HNRNPC: variants seen among roughly 807,000 people sequenced by gnomAD.
The protein encoded by HNRNPC is heterogeneous nuclear ribonucleoproteins C1/C2.
Under a neutral mutation model 33.2 loss-of-function variants are expected in HNRNPC, and 3 were observed. The observed-to-expected ratio is 0.09, with a 90% CI of 0.04 to 0.23. HNRNPC has a LOEUF of 0.23. HNRNPC is among the 10% of genes least tolerant of loss of function. The pLI, the probability that HNRNPC is intolerant of heterozygous loss-of-function variation, is 1.00. For missense variants in HNRNPC, 143 were observed against 366.7 expected (o/e 0.39, Z 4.98); for synonymous variants, 121 against 126.7 (o/e 0.96, Z 0.30).
chr14:21,222,900 A>T (rs531341834), intron 5 of HNRNPC, among the ~76,000 whole-genome samples: 21 of 151,656 alleles, frequency 1.4e-4, no homozygotes, highest in Non-Finnish European at 2.2e-4. Context: ...TCTCAAAAAA[A>T]AACCAAAACA....
At chr14:21,217,435 C>A (rs144823851) in intron 5 of HNRNPC, among the ~76,000 whole-genome samples, 4 of 152,296 alleles carry the variant, frequency 2.6e-5, no homozygotes, top group Admixed American at 2.0e-4. Flanking sequence ...TTGCTCACCA[C>A]TGGAGCTATA....
intron 1 of HNRNPC, among the ~76,000 whole-genome samples, chr14:21,265,983 C>T (rs940313137): frequency 6.6e-6 from 1 of 152,156 alleles, no homozygotes; most frequent in Admixed American, 6.6e-5. Flanking sequence ...AATTAGAAAC[C>T]CTTGTGGTAG....
chr14:21,235,158 C>T (rs1278404130), intron 2 of HNRNPC, among the ~76,000 whole-genome samples: 1 of 152,136 alleles, frequency 6.6e-6, no homozygotes, highest in Non-Finnish European at 1.5e-5. Context: ...TCCCGTAAAG[C>T]GAAAATGTTT....
intron 4 of HNRNPC, 86 bp downstream of exon 4, chr14:21,230,911 T>G: frequency 1.4e-6 from 2 of 1,446,676 alleles, no homozygotes; most frequent in South Asian, 1.2e-5. Context: ...AAAGAGAAGA[T>G]GCCCACTGAT....
At chr14:21,250,305 T>C (rs772094434) in intron 2 of HNRNPC, among the ~76,000 whole-genome samples, 3 of 151,954 alleles carry the variant, frequency 2.0e-5, no homozygotes, top group Non-Finnish European at 4.4e-5. Flanking sequence ...TTGTCTTCAG[T>C]CAGCAATTTC....
chr14:21,226,166 C>CA (rs373660823), intron 5 of HNRNPC, among the ~76,000 whole-genome samples: 5 of 151,284 alleles, frequency 3.3e-5, no homozygotes, highest in African/African-American at 9.7e-5. Context: ...ACTAAAAATA[C>CA]AAAAAATCAG....
chr14:21,222,203 G>A (rs1378190742), intron 5 of HNRNPC, among the ~76,000 whole-genome samples: 1 of 152,092 alleles, frequency 6.6e-6, no homozygotes, highest in Non-Finnish European at 1.5e-5. Flanking sequence ...GGAGCAACTG[G>A]AACCTTCCAC....
rs1891546818 is a variant in HNRNPC at position 21,211,148 on chromosome 14, G to A, written c.*75C>T. ...CTGAAGATACTAGGGGAGAGGATCT[G>A]GTGAAAAATTTGATCTTAGACAAGC... On this transcript the variant is annotated 3_prime_UTR_variant, in exon 9 of 9. Coordinates refer to ENST00000553300, the MANE Select transcript of HNRNPC (RefSeq NM_004500.4). The A allele has an allele frequency of 7.1e-7, 1 of 1,407,342 alleles. No individual in the cohort carries two copies. The highest frequency in any genetic ancestry group is 1.0e-6 in the Non-Finnish European group (1 of 1,004,084). The allele number at this position is 1,407,342 out of a possible 1,614,324, so 87.2% of individuals were successfully genotyped here.
At chr14:21,218,870 G>A (rs368787325) in intron 5 of HNRNPC, among the ~76,000 whole-genome samples, 1 of 151,542 alleles carries the variant, frequency 6.6e-6, no homozygotes, top group African/African-American at 2.4e-5. Context: ...CCAGCACTAT[G>A]GGAGGCCGAG....
chr14:21,238,553 CT>C (rs956196685), intron 2 of HNRNPC, among the ~76,000 whole-genome samples: 2 of 152,150 alleles, frequency 1.3e-5, no homozygotes, highest in African/African-American at 4.8e-5. Context: ...ACAAATATTC[CT>C]TAAAACAGAA....
chr14:21,251,965 C>A (rs906418653), intron 2 of HNRNPC, among the ~76,000 whole-genome samples: 6 of 151,926 alleles, frequency 3.9e-5, no homozygotes, highest in East Asian at 1.9e-4. Flanking sequence ...AAAATAATAA[C>A]CTAGCAGCCC....
intron 1 of HNRNPC, among the ~76,000 whole-genome samples, chr14:21,267,497 A>C (rs1168977024): frequency 1.3e-5 from 2 of 152,198 alleles, no homozygotes. Flanking sequence ...AATTCTCTAC[A>C]GAAGGAACAT....
intron 2 of HNRNPC, among the ~76,000 whole-genome samples, chr14:21,248,461 C>T (rs951936460): frequency 6.6e-6 from 1 of 152,128 alleles, no homozygotes; most frequent in East Asian, 1.9e-4. Context: ...TAGTATTTGT[C>T]TCACAGGATA....
chr14:21,233,791 T>C (rs1057371419), intron 3 of HNRNPC, among the ~76,000 whole-genome samples, 162 bp downstream of exon 3: 31 of 152,246 alleles, frequency 2.0e-4, no homozygotes, highest in Non-Finnish European at 1.9e-4. Flanking sequence ...ATCCTTTACT[T>C]AGCCAATTAT....
chr14:21,253,487 A>G (rs1192604504), intron 2 of HNRNPC, among the ~76,000 whole-genome samples: 1 of 133,074 alleles, frequency 7.5e-6, no homozygotes. Flanking sequence ...AAAAAAAAAG[A>G]TAGCACCAAA....
chr14:21,251,999 T>C (rs1357065281), intron 2 of HNRNPC, among the ~76,000 whole-genome samples: 2 of 152,196 alleles, frequency 1.3e-5, no homozygotes, highest in Non-Finnish European at 2.9e-5. Flanking sequence ...ACAAGGATAT[T>C]TGGCTTAAAG....
intron 5 of HNRNPC, chr14:21,213,442 TTA>T (rs899507707): frequency 8.7e-6 from 2 of 229,780 alleles, no homozygotes; most frequent in African/African-American, 4.6e-5. Context: ...AACAGGGCAT[TTA>T]TTATAATGAA....
At chr14:21,221,379 T>C (rs546335492) in intron 5 of HNRNPC, among the ~76,000 whole-genome samples, 1 of 152,350 alleles carries the variant, frequency 6.6e-6, no homozygotes, top group African/African-American at 2.4e-5. Flanking sequence ...TCCAATTCTA[T>C]AGTCACTAGT....
chr14:21,262,997 G>C (rs919790821), intron 2 of HNRNPC: 1 of 152,140 alleles, frequency 6.6e-6, no homozygotes, highest in Non-Finnish European at 1.5e-5. Flanking sequence ...GTGTGGGGAA[G>C]GGGATGAGGG....
Sources: gnomAD v4.1 joint callset for allele counts (sites outside exome capture counted in the v4.1 genomes callset) on GRCh38, gnomAD v4.1.1 for gene constraint, MANE v1.5 for transcripts, NCBI Gene and HGNC (gene_info 2026-07-23, HGNC 2026-07-21) for gene names.